The following GSTT4 variants were observed in gnomAD, a reference collection of about 807,000 sequenced individuals.
The protein encoded by GSTT4 is glutathione S-transferase theta-4.
intron 1 of GSTT4, chr22:24,004,111 T>C (rs1479825074): frequency 6.5e-6 from 1 of 153,630 alleles, no homozygotes; most frequent in Admixed American, 6.5e-5. Flanking sequence ...GACGACCCTT[T>C]TACCCAGAAG....
chr22:23,995,392 G>T (rs926058255), downstream of GSTT4, among the ~76,000 whole-genome samples: 7 of 152,130 alleles, frequency 4.6e-5, no homozygotes, highest in African/African-American at 1.7e-4. Flanking sequence ...GTATGCACTT[G>T]CACCCTCTCT....
chr22:24,001,935 G>A (rs1412332211), intron 2 of GSTT4, among the ~76,000 whole-genome samples: 3 of 152,402 alleles, frequency 2.0e-5, no homozygotes, highest in Admixed American at 6.5e-5. Context: ...AGGTTGTAGT[G>A]AGCCAAGATT....
intron 2 of GSTT4, among the ~76,000 whole-genome samples, chr22:24,001,749 G>C (rs1397383165): frequency 6.6e-6 from 1 of 152,276 alleles, no homozygotes; most frequent in Non-Finnish European, 1.5e-5. Context: ...ACTTTGGGAG[G>C]CCAATGGGGG....
At chr22:23,993,694 G>T (rs370576696), downstream of GSTT4, among the ~76,000 whole-genome samples, 1 of 149,284 alleles carries the variant, frequency 6.7e-6, no homozygotes, top group South Asian at 2.1e-4. Context: ...ACTGCCAAAG[G>T]CCTGATTCTC....
chr22:23,997,130 T>C (rs913646971), downstream of GSTT4, among the ~76,000 whole-genome samples: 15 of 152,120 alleles, frequency 9.9e-5, no homozygotes, highest in African/African-American at 3.6e-4. Flanking sequence ...TAGTTATTCA[T>C]AGTATTTCTA....
downstream of GSTT4, among the ~76,000 whole-genome samples, chr22:23,996,759 T>A (rs2034120570): frequency 6.6e-6 from 1 of 152,230 alleles, no homozygotes. Context: ...GATTTTTACA[T>A]CTATATTTAT....
In GSTT4 at chr22:23,998,988, C is replaced by T. The variant is rs149497989; in HGVS notation, c.529-249G>A. On this transcript the variant is annotated intron_variant, in intron 4 of 4. Transcript: ENST00000621179. ...AGCCTTCTGAACCATGCTGAGAGGG[C>T]TCCTGGCCCAGGCACTTCCCACTTC... Among the ~76,000 whole-genome samples the T allele has an allele frequency of 6.0e-3, 921 of 152,354 alleles. 13 individuals are homozygous for T. Among genetic ancestry groups the T allele is most frequent in the African/African-American group, 0.02 (844 of 41,558 alleles).
chr22:23,993,880 G>A (rs557168182), downstream of GSTT4, among the ~76,000 whole-genome samples: 47 of 146,958 alleles, frequency 3.2e-4, no homozygotes, highest in Admixed American at 8.9e-4. Context: ...CTGGGCCATC[G>A]TCTCTCCTCA....
chr22:24,003,050 T>TCG (rs2034269226), intron 2 of GSTT4, among the ~76,000 whole-genome samples: 1 of 152,098 alleles, frequency 6.6e-6, no homozygotes, highest in Non-Finnish European at 1.5e-5. Context: ...TTCACTGCAG[T>TCG]TCTGAACTTC....
the GSTT4 span, among the ~76,000 whole-genome samples, chr22:23,991,922 G>A: frequency 6.9e-6 from 1 of 145,198 alleles, no homozygotes; most frequent in African/African-American, 2.5e-5. Context: ...GCGGGGTGGC[G>A]GGCGCCTGTA....
chr22:24,001,913 C>A (rs1303431640), intron 2 of GSTT4, among the ~76,000 whole-genome samples: 1 of 152,284 alleles, frequency 6.6e-6, no homozygotes, highest in Non-Finnish European at 1.5e-5. Flanking sequence ...GTCACTTGAA[C>A]CTGGGAGGCA....
Position 24,002,996 on chromosome 22 carries a change from C to T in GSTT4, c.200+764G>A, listed in dbSNP as rs550495752. Among the ~76,000 whole-genome samples the T allele has an allele frequency of 1.4e-4, 21 of 152,160 alleles. No individual in the cohort carries two copies. In the South Asian group the frequency reaches 1.5e-3, roughly 11 times the overall value. Reference sequence around the variant, plus strand: ...TCTTAATGGTATCGTAGTGATGCTACGCTCTATCCTAGCCCAGGCTGGAGT... The same window carrying T: ...TCTTAATGGTATCGTAGTGATGCTATGCTCTATCCTAGCCCAGGCTGGAGT... On this transcript the variant is annotated intron_variant, in intron 2 of 4. Transcript: ENST00000621179.
At chr22:24,003,070 A>G (rs1390549372) in intron 2 of GSTT4, among the ~76,000 whole-genome samples, 3 of 152,214 alleles carry the variant, frequency 2.0e-5, no homozygotes, top group African/African-American at 7.2e-5. Context: ...CCTGGCCTCA[A>G]GCGATCCTCC....
At chr22:23,996,646 G>A (rs2034118725), downstream of GSTT4, among the ~76,000 whole-genome samples, 1 of 152,166 alleles carries the variant, frequency 6.6e-6, no homozygotes, top group South Asian at 2.1e-4. Flanking sequence ...ATTGATTTTT[G>A]TATGTTGAAC....
the GSTT4 span, among the ~76,000 whole-genome samples, chr22:23,992,634 T>C: frequency 6.6e-6 from 1 of 151,310 alleles, no homozygotes; most frequent in African/African-American, 2.4e-5. Flanking sequence ...CATTTTCATT[T>C]ATAGCCAGTC....
chr22:23,999,845 G>A (rs1417935854), intron 4 of GSTT4, among the ~76,000 whole-genome samples: 10 of 151,884 alleles, frequency 6.6e-5, no homozygotes, highest in Non-Finnish European at 1.3e-4. Flanking sequence ...CTCCCACACC[G>A]AAGAATCTTT....
chr22:23,992,524 C>T, the GSTT4 span, among the ~76,000 whole-genome samples: 56 of 142,500 alleles, frequency 3.9e-4, no homozygotes, highest in Admixed American at 9.6e-4. Context: ...ATAGCAGTGT[C>T]GGCCTTGTGG....
At chr22:23,992,501 T>C in the GSTT4 span, among the ~76,000 whole-genome samples, 1 of 150,286 alleles carries the variant, frequency 6.7e-6, no homozygotes, top group Non-Finnish European at 1.5e-5. Context: ...GAGGGGACCA[T>C]ACAAGGATGT....
downstream of GSTT4, among the ~76,000 whole-genome samples, chr22:23,998,111 T>C (rs2034137293): frequency 6.6e-6 from 1 of 152,164 alleles, no homozygotes; most frequent in Admixed American, 6.5e-5. Context: ...CCATGTGCTC[T>C]TTAGAAGAAT....
Sources: gnomAD v4.1 joint callset for allele counts (sites outside exome capture counted in the v4.1 genomes callset) on GRCh38, gnomAD v4.1.1 for gene constraint, MANE v1.5 for transcripts, NCBI Gene and HGNC (gene_info 2026-07-23, HGNC 2026-07-21) for gene names.